POLR3C: variants seen among roughly 807,000 people sequenced by gnomAD.
POLR3C encodes RNA polymerase III subunit C.
In POLR3C, 44 loss-of-function variants were observed where a neutral mutation model predicts 65.9. The observed-to-expected ratio is 0.67, with a 90% CI of 0.52 to 0.86. The LOEUF (loss-of-function observed/expected upper bound fraction) is 0.86, where lower values mean the gene tolerates loss of function less well. POLR3C is among the 40% of genes least tolerant of loss of function. POLR3C has a pLI of 0.00. For synonymous variants in POLR3C, 263 were observed against 231.6 expected, an observed-to-expected ratio of 1.14 and a Z score of -1.23; for missense variants, 576 against 653.2, an observed-to-expected ratio of 0.88 and a Z score of 1.29.
chr1:145,825,199 C>T (rs1650618573), intron 1 of POLR3C, among the ~76,000 whole-genome samples: 2 of 151,942 alleles, frequency 1.3e-5, no homozygotes, highest in Non-Finnish European at 2.9e-5. Flanking sequence ...ACCTCTGCCT[C>T]CCGGCTTCAA....
intron 7 of POLR3C, among the ~76,000 whole-genome samples, chr1:145,835,181 G>T (rs1223894249): frequency 3.4e-5 from 5 of 147,578 alleles, no homozygotes; most frequent in African/African-American, 1.3e-4. Flanking sequence ...GGACGCAGCA[G>T]CTCACACCCG....
At position 145,826,920 on chromosome 1, in the gene POLR3C, T is replaced by C. The variant is rs1553725979; in HGVS notation, c.504T>C (p.Asn168=). 1.2e-6 allele frequency: 2 copies of C among 1,613,430 alleles called. No individual in the cohort carries two copies. The highest frequency in any genetic ancestry group is 2.7e-5 in the African/African-American group (2 of 74,866). ...GCCCTTCGGTACCTACCACTGAGAATTCAGACCCTGGGCCACCACCACCTG... is the reference window on the plus strand; with the variant it reads ...GCCCTTCGGTACCTACCACTGAGAACTCAGACCCTGGGCCACCACCACCTG... The part of the protein sequence containing the change: ...QRCPSVPTTE[N]SDPGPPPPAP... The change falls in exon 4 of 15, where the codon AAT becomes AAC. Residue 168 remains asparagine (N), a synonymous_variant. Coordinates refer to ENST00000334163, the MANE Select transcript of POLR3C (RefSeq NM_006468.8).
At position 145,838,081 on chromosome 1, in the gene POLR3C, T is replaced by C; in HGVS notation, c.1096T>C (p.Phe366Leu). The C allele has an allele frequency of 1.2e-6, 2 of 1,614,184 alleles. No homozygotes were observed. The highest frequency in any genetic ancestry group is 2.2e-5 in the South Asian group (2 of 91,090). ...ATTTGGGTCTCGCTGTGCTAGAATA[T>C]TCCGTCTAGTTTTGCAGAAGAAACA... ...ERFGSRCARI[F>L]RLVLQKKHIE... The change falls in exon 11 of 15, where the codon TTC (phenylalanine) becomes CTC (leucine). Residue 366 changes from phenylalanine (F) to leucine (L), a missense_variant. Coordinates refer to ENST00000334163, the MANE Select transcript of POLR3C (RefSeq NM_006468.8).
chr1:145,833,125 A>G, intron 5 of POLR3C, 135 bp from the exon 6 acceptor site: 1 of 590,618 alleles, frequency 1.7e-6, no homozygotes, highest in Non-Finnish European at 3.0e-6. Context: ...ACACCAGTCT[A>G]CATGACTGAA....
At chr1:145,836,927 C>A in intron 9 of POLR3C, 61 bp downstream of exon 9, 1 of 808,526 alleles carries the variant, frequency 1.2e-6, no homozygotes, top group Non-Finnish European at 2.1e-6. Context: ...AGAATGGTGC[C>A]TTAGGAAAGA....
At chr1:145,841,179 T>C (rs1351450219) in intron 14 of POLR3C, 108 bp downstream of exon 14, 3 of 839,502 alleles carry the variant, frequency 3.6e-6, no homozygotes, top group African/African-American at 1.7e-5. Context: ...ACTCACTGTC[T>C]CCTCCAGCTC....
At position 145,826,482 on chromosome 1, in the gene POLR3C, A is replaced by G. The variant is rs1559140890; in HGVS notation, c.176A>G (p.Gln59Arg). The G allele has an allele frequency of 6.2e-7, 1 of 1,613,788 alleles. No homozygotes were observed. The highest frequency in any genetic ancestry group is 8.5e-7 in the Non-Finnish European group (1 of 1,179,954). ...QVKKALCVLVQHNLVSYQVHK... is the reference protein window; with the variant it reads ...QVKKALCVLVRHNLVSYQVHK... ...AAGAAAGCCCTGTGTGTCCTCGTCC[A>G]ACATAACCTGGTGAGTTATCAAGTG... Residue 59 changes from glutamine to arginine, a missense_variant, in exon 3 of 15, where the codon CAA (glutamine) becomes CGA (arginine). Coordinates refer to ENST00000334163, the MANE Select transcript of POLR3C (RefSeq NM_006468.8).
intron 2 of POLR3C, 38 bp from the exon 3 acceptor site, chr1:145,826,416 G>C: frequency 6.2e-7 from 1 of 1,602,736 alleles, no homozygotes; most frequent in Non-Finnish European, 8.5e-7. Context: ...TATATCTTCA[G>C]GTCTTTCCTC....
rs1270996069 is a variant in POLR3C at position 145,826,955 on chromosome 1, T to G, written c.539T>G (p.Leu180Arg). 5 of 1,612,680 alleles carry G rather than the reference T, an allele frequency of 3.1e-6. No homozygotes were observed. The Admixed American group carries it at 8.4e-5, about 27-fold the overall frequency. ...GGGCCACCACCACCTGCCCCCACAC[T>G]TGTCATTAATGAAAAGGACATGTAC... is the stretch of plus-strand genomic sequence containing the variant. ...DPGPPPPAPTLVINEKDMYLV... is the reference protein window; with the variant it reads ...DPGPPPPAPTRVINEKDMYLV... Residue 180 changes from leucine (L) to arginine (R), a missense_variant, in exon 4 of 15, where the codon CTT (leucine) becomes CGT (arginine). Physicochemically the swap from Leu to Arg is moderately radical, Grantham distance 102. Transcript: ENST00000334163.
intron 5 of POLR3C, among the ~76,000 whole-genome samples, chr1:145,829,735 A>T (rs895704664): frequency 2.0e-5 from 3 of 152,082 alleles, no homozygotes; most frequent in African/African-American, 7.2e-5. Flanking sequence ...TATCTCTTAA[A>T]CATGTCAAAC....
chr1:145,827,245 C>T (rs1025995063), intron 4 of POLR3C, among the ~76,000 whole-genome samples: 1 of 152,092 alleles, frequency 6.6e-6, no homozygotes, highest in African/African-American at 2.4e-5. Flanking sequence ...GGAAATATTC[C>T]TATGAAGGAA....
At chr1:145,838,317 A>C (rs1553729408) in intron 11 of POLR3C, 111 bp downstream of exon 11, 1 of 826,934 alleles carries the variant, frequency 1.2e-6, no homozygotes, top group Non-Finnish European at 2.0e-6. Context: ...TCCAGCTCTG[A>C]GACAGAAAAA....
Position 145,826,557 on chromosome 1 carries a change from G to T in POLR3C, c.251G>T (p.Arg84Leu). ...EYEAQCSRVLRMLRYPRYIYT... is the reference protein window; with the variant it reads ...EYEAQCSRVLLMLRYPRYIYT... ...GAAGCCCAGTGCAGCCGGGTATTGC[G>T]AATGCTTAGATATCCCCGGTACATC... The change falls in exon 3 of 15, where the codon CGA (arginine) becomes CTA (leucine). Residue 84 changes from arginine to leucine, a missense_variant. Physicochemically the swap from Arg to Leu is moderately radical, Grantham distance 102. Transcript: ENST00000334163. 6.2e-7 allele frequency: 1 copy of T among 1,614,020 alleles called. No homozygotes were observed. The highest frequency in any genetic ancestry group is 8.5e-7 in the Non-Finnish European group (1 of 1,179,990).
At chr1:145,827,131 C>T in intron 4 of POLR3C, 126 bp downstream of exon 4, 1 of 800,252 alleles carries the variant, frequency 1.2e-6, no homozygotes, top group East Asian at 2.5e-5. Context: ...TGGTGTATAA[C>T]AATGAAAAAA....
intron 9 of POLR3C, among the ~76,000 whole-genome samples, chr1:145,837,185 G>A (rs1651920682): frequency 6.6e-6 from 1 of 152,220 alleles, no homozygotes; most frequent in South Asian, 2.1e-4. Context: ...ATGCATGCTT[G>A]TAGTCCAGCT....
Position 145,838,137 on chromosome 1 carries a change from A to G in POLR3C, c.1152A>G (p.Ala384=). 1 of 1,613,838 alleles carries G rather than the reference A, an allele frequency of 6.2e-7. No individual in the cohort carries two copies. The highest frequency in any genetic ancestry group is 8.5e-7 in the Non-Finnish European group (1 of 1,179,656). Residue 384 remains alanine, a synonymous_variant, in exon 11 of 15, where the codon GCA becomes GCG. Transcript: ENST00000334163. ...HIEQKQVEDF[A]MIPAKEAKDM... ...AGCAGAAGCAAGTGGAAGACTTTGCAATGATTCCTGCAAAGGAGGCAAAGG... is the reference window on the plus strand; with the variant it reads ...AGCAGAAGCAAGTGGAAGACTTTGCGATGATTCCTGCAAAGGAGGCAAAGG...
At chr1:145,827,035 C>G in intron 4 of POLR3C, 30 bp downstream of exon 4, 2 of 1,514,448 alleles carry the variant, frequency 1.3e-6, no homozygotes, top group Non-Finnish European at 1.8e-6. Context: ...GGAACTGTGA[C>G]TTGCCTTAAT....
chr1:145,826,645 C>T lies in POLR3C; in HGVS notation c.339C>T (p.Asn113=), dbSNP rs201502502. The change falls in exon 3 of 15, where the codon AAC becomes AAT. Residue 113 remains asparagine (N), a synonymous_variant. Transcript: ENST00000334163. The stretch of plus-strand genomic sequence containing the variant: ...TGATTGTTGAGGAGCTTCTGTTGAA[C>T]GGCAAACTGACAATGTCAGCTGTTG... ...GELIVEELLL[N]GKLTMSAVVK... 33 of 1,614,062 alleles carry T rather than the reference C, an allele frequency of 2.0e-5. No homozygotes were observed. The highest frequency in any genetic ancestry group is 6.7e-5 in the East Asian group (3 of 44,888).
chr1:145,832,393 G>T (rs1031168202), intron 5 of POLR3C, among the ~76,000 whole-genome samples: 2 of 152,172 alleles, frequency 1.3e-5, no homozygotes, highest in African/African-American at 4.8e-5. Context: ...CAGGGTAAAG[G>T]CTGATAAGAA....
Sources: gnomAD v4.1 joint callset for allele counts (sites outside exome capture counted in the v4.1 genomes callset) on GRCh38, gnomAD v4.1.1 for gene constraint, MANE v1.5 for transcripts, NCBI Gene and HGNC (gene_info 2026-07-23, HGNC 2026-07-21) for gene names.